Variants in SH2B2 observed in about 807,000 individuals in gnomAD.
SH2B2 encodes the protein SH2B adapter protein 2.
SH2B2 carries 37 observed loss-of-function variants against 35.7 expected under a neutral mutation model. The observed-to-expected ratio is 1.04, with a 90% confidence interval of 0.80 to 1.36. The LOEUF (loss-of-function observed/expected upper bound fraction) is 1.36, where lower values mean the gene tolerates loss of function less well. Among genes scored for constraint, SH2B2 ranks in the 40% most tolerant of loss-of-function variants. The pLI is 0.00. For synonymous variants in SH2B2, 383 were observed against 376.4 expected (o/e 1.02, Z -0.20); for missense variants, 852 against 817.7 (o/e 1.04, Z -0.51).
chr7:102,301,308 T>A, intron 2 of SH2B2, 29 bp downstream of exon 2: 1 of 1,582,352 alleles, frequency 6.3e-7, no homozygotes. Context: ...CCACCTAGCC[T>A]GGGGGGACCA....
Position 102,320,447 on chromosome 7 carries a change from G to A in SH2B2, c.1512G>A (p.Gly504=). ...CACACCCCATCCCACTGGAGTCAGGGGGCTCGGCCGACATCACCCTTCGCA... is the reference window on the plus strand; with the variant it reads ...CACACCCCATCCCACTGGAGTCAGGAGGCTCGGCCGACATCACCCTTCGCA... ...FHTHPIPLES[G]GSADITLRSY... The change falls in exon 8 of 9, where the codon GGG becomes GGA. Residue 504 remains glycine (G), a synonymous_variant. Coordinates refer to ENST00000444095, the MANE Select transcript of SH2B2 (RefSeq NM_001359228.2). 1 of 1,613,716 alleles carries A rather than the reference G, an allele frequency of 6.2e-7. No homozygotes were observed. Among genetic ancestry groups the A allele is most frequent in the Non-Finnish European group, 8.5e-7 (1 of 1,179,856 alleles).
chr7:102,295,863 C>G (rs1305625900), intron 1 of SH2B2, among the ~76,000 whole-genome samples: 1 of 152,102 alleles, frequency 6.6e-6, no homozygotes, highest in Non-Finnish European at 1.5e-5. Context: ...CCCCATCCTT[C>G]CCCCACCTTC....
At chr7:102,303,286 G>T (rs553562838) in intron 2 of SH2B2, among the ~76,000 whole-genome samples, 1 of 152,270 alleles carries the variant, frequency 6.6e-6, no homozygotes, top group South Asian at 2.1e-4. Flanking sequence ...AAGGAACATG[G>T]AAGTGGAGGT....
chr7:102,317,716 G>A (rs868971747), intron 7 of SH2B2, among the ~76,000 whole-genome samples: 17 of 152,120 alleles, frequency 1.1e-4, no homozygotes, highest in African/African-American at 3.6e-4. Context: ...TCCTGCGCGC[G>A]GGGGATCTCA....
intron 2 of SH2B2, among the ~76,000 whole-genome samples, chr7:102,301,680 T>C (rs1224198342): frequency 1.3e-5 from 2 of 151,954 alleles, no homozygotes; most frequent in Admixed American, 6.6e-5. Context: ...CAAGGGATTC[T>C]CCTGCCTCAG....
At chr7:102,295,440 A>C (rs1239263282) in intron 1 of SH2B2, among the ~76,000 whole-genome samples, 2 of 152,150 alleles carry the variant, frequency 1.3e-5, no homozygotes, top group African/African-American at 4.8e-5. Context: ...CCACCCCTGC[A>C]GGTCATGGCC....
chr7:102,315,092 G>A (rs1554556246), intron 6 of SH2B2, among the ~76,000 whole-genome samples: 3 of 152,086 alleles, frequency 2.0e-5, no homozygotes, highest in East Asian at 1.9e-4. Context: ...GGGAGGCTGA[G>A]GCAGGAAAAT....
chr7:102,291,066 T>G (rs1256371055), intron 1 of SH2B2, among the ~76,000 whole-genome samples: 1 of 152,220 alleles, frequency 6.6e-6, no homozygotes, highest in African/African-American at 2.4e-5. Flanking sequence ...GCTCCAGATC[T>G]CAGACTTTTA....
intron 2 of SH2B2, among the ~76,000 whole-genome samples, chr7:102,303,470 G>T: frequency 6.6e-6 from 1 of 152,168 alleles, no homozygotes; most frequent in South Asian, 2.1e-4. Flanking sequence ...CTCTCAGTCT[G>T]CTGGGGTGCA....
chr7:102,302,024 A>G (rs75153733), intron 2 of SH2B2, among the ~76,000 whole-genome samples: 1,653 of 152,236 alleles, frequency 0.011, 10 homozygotes, highest in Non-Finnish European at 0.016. Context: ...ACTCCCAGCT[A>G]ATGTTTTTTA....
upstream of SH2B2, among the ~76,000 whole-genome samples, chr7:102,286,709 G>T (rs1221602465): frequency 6.7e-6 from 1 of 149,962 alleles, no homozygotes; most frequent in Non-Finnish European, 1.5e-5. Flanking sequence ...CACCGGCGCC[G>T]CTCGGGCTCC....
rs972363256 is a variant in SH2B2 at position 102,297,221 on chromosome 7, G to C, written c.-29-3301G>C. Among the ~76,000 whole-genome samples the C allele has an allele frequency of 6.6e-6, 1 of 151,994 alleles. No individual in the cohort carries two copies. The highest frequency in any genetic ancestry group is 1.5e-5 in the Non-Finnish European group (1 of 68,016). On this transcript the variant is annotated intron_variant, in intron 1 of 8. Transcript: ENST00000444095. This position sits in a 1 kb window ranked among gnomAD's most constrained non-coding sequence, Gnocchi z 4.3. Reference sequence around the variant, plus strand: ...TCTGGCATATCCGCACTCTGGATACGACCCGCTCGCCACTTAGGAGTTGTC... The same window carrying C: ...TCTGGCATATCCGCACTCTGGATACCACCCGCTCGCCACTTAGGAGTTGTC...
chr7:102,321,455 C>A lies in SH2B2; in HGVS notation c.1724C>A (p.Ser575Tyr). ...GASSSSASSS[S>Y]AASGPAPPRP... is the part of the protein sequence containing the mutation. The stretch of plus-strand genomic sequence containing the variant: ...TCCTCGTCTTCCGCCTCGTCGTCCT[C>A]TGCCGCGTCGGGGCCCGCCCCCCCG... The change falls in exon 9 of 9, where the codon TCT (serine) becomes TAT (tyrosine). Residue 575 changes from serine (S) to tyrosine (Y), a missense_variant. Transcript: ENST00000444095. The A allele has an allele frequency of 8.1e-7, 1 of 1,238,500 alleles. No individual in the cohort carries two copies. Among genetic ancestry groups the A allele is most frequent in the Non-Finnish European group, 1.0e-6 (1 of 987,454 alleles). 76.7% of individuals were successfully genotyped at this position (1,238,500 alleles called of 1,614,324 possible).
intron 1 of SH2B2, among the ~76,000 whole-genome samples, chr7:102,294,723 C>T (rs1365921760): frequency 6.6e-6 from 1 of 152,166 alleles, no homozygotes; most frequent in Admixed American, 6.5e-5. Context: ...TGTCTTGCAG[C>T]CTCCCCTCTA....
chr7:102,309,309 C>T lies in SH2B2; in HGVS notation c.923+403C>T, dbSNP rs540959745. 297 of 365,380 alleles carry T rather than the reference C, an allele frequency of 8.1e-4. 2 individuals are homozygous for T. The highest frequency in any genetic ancestry group is 8.0e-5 in the Non-Finnish European group (15 of 186,444). 22.6% of individuals were successfully genotyped at this position (365,380 alleles called of 1,614,324 possible). On this transcript the variant is annotated intron_variant, in intron 4 of 8. Coordinates refer to ENST00000444095, the MANE Select transcript of SH2B2 (RefSeq NM_001359228.2). ...GGGAGGACCGCTTGAGCCAGGAGTT[C>T]AAGACCAGCCTGGGCAACATAGCCA... is the stretch of plus-strand genomic sequence containing the variant.
chr7:102,321,570 G>A lies in SH2B2; in HGVS notation c.1839G>A (p.Glu613=). ...LEAVAATAAE[E]PPEAAPGRAR... ...CCGTGGCCGCCACCGCCGCCGAGGA[G>A]CCCCCGGAGGCCGCGCCCGGCCGCG... is the stretch of plus-strand genomic sequence containing the variant. The change falls in exon 9 of 9, where the codon GAG becomes GAA. Residue 613 remains glutamate, a synonymous_variant. Transcript: ENST00000444095. The A allele has an allele frequency of 8.6e-7, 1 of 1,157,272 alleles. No homozygotes were observed. The highest frequency in any genetic ancestry group is 1.1e-6 in the Non-Finnish European group (1 of 941,492). 71.7% of individuals were successfully genotyped at this position (1,157,272 alleles called of 1,614,324 possible).
At chr7:102,286,745 G>T (rs1792461531), upstream of SH2B2, 1 of 114,070 alleles carries the variant, frequency 8.8e-6, no homozygotes, top group African/African-American at 3.3e-5. Flanking sequence ...CGGGGCCTGA[G>T]CGGCGCAAGT....
At chr7:102,300,333 G>C (rs1270078215) in intron 1 of SH2B2, among the ~76,000 whole-genome samples, 189 bp from the exon 2 acceptor site, 1 of 152,154 alleles carries the variant, frequency 6.6e-6, no homozygotes, top group Non-Finnish European at 1.5e-5. Context: ...CCCGGCCCCA[G>C]TTGTCTTTCT....
intron 7 of SH2B2, 85 bp downstream of exon 7, chr7:102,317,480 C>A: frequency 7.8e-7 from 1 of 1,283,482 alleles, no homozygotes. Context: ...GAGGCTGTGC[C>A]CTGGAAGCAG....
Sources: gnomAD v4.1 joint callset for allele counts (sites outside exome capture counted in the v4.1 genomes callset) on GRCh38, gnomAD v4.1.1 for gene constraint, Gnocchi (gnomAD v3.1) non-coding constraint, MANE v1.5 for transcripts, NCBI Gene and HGNC (gene_info 2026-07-23, HGNC 2026-07-21) for gene names.